The following GRIK2 variants were observed in gnomAD, a reference collection of about 807,000 sequenced individuals.
GRIK2 encodes glutamate receptor ionotropic, kainate 2.
Under a neutral mutation model 100.3 loss-of-function variants are expected in GRIK2, and 32 were observed. The ratio of observed to expected loss-of-function variants is 0.32; its 90% CI spans 0.24 to 0.43. The LOEUF (loss-of-function observed/expected upper bound fraction) is 0.43. Ranked by LOEUF, GRIK2 falls within the 20% of genes least tolerant of loss-of-function variation. The pLI is 1.00. For synonymous variants in GRIK2, 417 were observed against 389.4 expected, an observed-to-expected ratio of 1.07 and a Z score of -0.83; for missense variants, 843 against 1,114.9, an observed-to-expected ratio of 0.76 and a Z score of 3.47.
At chr6:101,393,941 T>C (rs963463458) in intron 1 of GRIK2, among the ~76,000 whole-genome samples, 104 bp downstream of exon 1, 2 of 152,142 alleles carry the variant, frequency 1.3e-5, no homozygotes, top group Non-Finnish European at 2.9e-5. Context: ...ATTTTCCACC[T>C]GGAGAGAAGG....
chr6:101,976,846 TA>T (rs1206033023), intron 14 of GRIK2, among the ~76,000 whole-genome samples: 1 of 150,954 alleles, frequency 6.6e-6, no homozygotes, highest in African/African-American at 2.4e-5. Flanking sequence ...ACCAAATAGA[TA>T]AGTAAGAGGA....
At chr6:101,759,388 A>G (rs1777340106) in intron 7 of GRIK2, among the ~76,000 whole-genome samples, 1 of 152,182 alleles carries the variant, frequency 6.6e-6, no homozygotes, top group Non-Finnish European at 1.5e-5. Context: ...AGGCTCCCCC[A>G]AAGCTAGATG....
intron 7 of GRIK2, among the ~76,000 whole-genome samples, chr6:101,750,907 C>T (rs1286209925): frequency 2.6e-5 from 4 of 152,102 alleles, no homozygotes; most frequent in African/African-American, 9.7e-5. Context: ...ATTAACAGGG[C>T]AAATGGTTCA....
chr6:101,833,223 T>C (rs1276318901), intron 10 of GRIK2, among the ~76,000 whole-genome samples: 1 of 152,014 alleles, frequency 6.6e-6, no homozygotes, highest in Non-Finnish European at 1.5e-5. Context: ...TTTTCGTTGT[T>C]GTTGTTTGTT....
Position 101,779,203 on chromosome 6 carries a change from T to C in GRIK2, c.952-20445T>C, listed in dbSNP as rs9498699. Among the ~76,000 whole-genome samples, 777 of 152,208 alleles carry C rather than the reference T, an allele frequency of 5.1e-3. 5 individuals are homozygous for C. Among genetic ancestry groups the C allele is most frequent in the African/African-American group, 0.018 (756 of 41,554 alleles). On this transcript the variant is annotated intron_variant, in intron 7 of 16. Transcript: ENST00000369134. ...CTTAAAGACTCATCAGTCATGAGGTTAGTTGATGGATGGAATAGTACTGAG... is the reference window on the plus strand; with the variant it reads ...CTTAAAGACTCATCAGTCATGAGGTCAGTTGATGGATGGAATAGTACTGAG...
chr6:101,600,100 A>C (rs534046506), intron 2 of GRIK2, among the ~76,000 whole-genome samples: 1 of 151,868 alleles, frequency 6.6e-6, no homozygotes, highest in South Asian at 2.1e-4. Context: ...GTAGGAATCT[A>C]GTTTTATTCT....
At chr6:101,694,668 T>C (rs1276759664) in intron 7 of GRIK2, among the ~76,000 whole-genome samples, 1 of 152,074 alleles carries the variant, frequency 6.6e-6, no homozygotes, top group African/African-American at 2.4e-5. Context: ...GAAGAGTGGA[T>C]CTATTTTTAA....
At chr6:101,828,385 A>T (rs906454460) in intron 10 of GRIK2, among the ~76,000 whole-genome samples, 1 of 151,966 alleles carries the variant, frequency 6.6e-6, no homozygotes, top group Admixed American at 6.6e-5. Context: ...AAACAAGAAC[A>T]AACTAAATCC....
rs1315524835 is a variant in GRIK2 at position 102,006,390 on chromosome 6, A to ATATATTTTTTTTTT, written c.2086-28950_2086-28949insATATTTTTTTTTTT. On this transcript the variant is annotated intron_variant, in intron 14 of 16. Coordinates refer to ENST00000369134, the MANE Select transcript of GRIK2 (RefSeq NM_021956.5). ...CTTTTATATATATATATATATATAT[A>ATATATTTTTTTTTT]TTTTTTTTTTTTTTGAGACATACAG... Among the ~76,000 whole-genome samples the ATATATTTTTTTTTT allele has an allele frequency of 1.4e-3, 162 of 114,066 alleles. 2 individuals are homozygous for ATATATTTTTTTTTT. The highest frequency in any genetic ancestry group is 7.2e-3 in the African/African-American group (157 of 21,886). 74.8% of individuals were successfully genotyped at this position (114,066 alleles called of 152,430 possible).
At chr6:101,820,271 T>A (rs1471420549) in intron 10 of GRIK2, among the ~76,000 whole-genome samples, 1 of 152,184 alleles carries the variant, frequency 6.6e-6, no homozygotes, top group African/African-American at 2.4e-5. Context: ...TGTCTTCTGT[T>A]TCTATACCAT....
chr6:101,968,734 C>T (rs1162326390), intron 14 of GRIK2, among the ~76,000 whole-genome samples: 1 of 148,182 alleles, frequency 6.7e-6, no homozygotes, highest in East Asian at 2.0e-4. Context: ...TTTCATCCAC[C>T]CATCAAAAAT....
intron 14 of GRIK2, among the ~76,000 whole-genome samples, chr6:101,938,177 G>T (rs1407629551): frequency 2.0e-5 from 3 of 151,360 alleles, no homozygotes; most frequent in African/African-American, 7.3e-5. Flanking sequence ...ATTATTTGCT[G>T]CTACTGCCAT....
chr6:101,583,962 A>G (rs1023965796), intron 2 of GRIK2, among the ~76,000 whole-genome samples: 4 of 152,126 alleles, frequency 2.6e-5, no homozygotes, highest in Non-Finnish European at 5.9e-5. Flanking sequence ...TATGATATAT[A>G]TGTATATAAC....
chr6:101,753,981 A>G (rs1310113442), intron 7 of GRIK2, among the ~76,000 whole-genome samples: 1 of 152,028 alleles, frequency 6.6e-6, no homozygotes, highest in Non-Finnish European at 1.5e-5. Context: ...CAATATTGTA[A>G]TTTACATAGA....
chr6:101,577,461 T>G (rs1009595886), intron 2 of GRIK2, among the ~76,000 whole-genome samples: 1 of 152,102 alleles, frequency 6.6e-6, no homozygotes, highest in African/African-American at 2.4e-5. Flanking sequence ...AGAAACCATA[T>G]TTTTTCTTCT....
intron 14 of GRIK2, among the ~76,000 whole-genome samples, chr6:101,932,088 G>T (rs114164983): frequency 0.011 from 1,722 of 152,002 alleles, 35 homozygotes; most frequent in African/African-American, 0.039. Flanking sequence ...TTTTGAGAAT[G>T]CTTGTATTTT....
At chr6:101,398,568 CA>C (rs1451279362) in intron 1 of GRIK2, among the ~76,000 whole-genome samples, 2 of 152,164 alleles carry the variant, frequency 1.3e-5, no homozygotes, top group Admixed American at 6.5e-5. Context: ...AGTTCCCAGA[CA>C]AACTGACTTT....
Position 101,775,827 on chromosome 6 carries a change from G to GGA in GRIK2, c.952-23804_952-23803dup, listed in dbSNP as rs746085161. Among the ~76,000 whole-genome samples the GGA allele has an allele frequency of 7.0e-3, 1,043 of 149,606 alleles. 16 individuals are homozygous for GGA. The highest frequency in any genetic ancestry group is 0.023 in the African/African-American group (952 of 40,922). On this transcript the variant is annotated intron_variant, in intron 7 of 16. Coordinates refer to ENST00000369134, the MANE Select transcript of GRIK2 (RefSeq NM_021956.5). The stretch of plus-strand genomic sequence containing the variant: ...ATATGGAATATAGATATATATATAT[G>GGA]GAGAGAGAGAGAGAGAGATGTGGTC...
At chr6:101,416,106 A>G (rs1391911450) in intron 2 of GRIK2, among the ~76,000 whole-genome samples, 2 of 152,112 alleles carry the variant, frequency 1.3e-5, no homozygotes, top group Non-Finnish European at 2.9e-5. Context: ...TGTCTCTTCA[A>G]GGGTGGTTGG....
Sources: allele counts gnomAD v4.1 joint callset (sites outside exome capture counted in the v4.1 genomes callset), GRCh38; gene constraint gnomAD v4.1.1; transcripts MANE v1.5; gene names NCBI Gene and HGNC (gene_info 2026-07-23, HGNC 2026-07-21).